Variants in SCML4 observed in about 807,000 individuals in gnomAD.
SCML4 encodes the protein Scm polycomb group protein like 4.
In SCML4, 34 loss-of-function variants were observed where a neutral mutation model predicts 41.1. The ratio of observed to expected loss-of-function variants is 0.83; its 90% CI spans 0.63 to 1.10. The LOEUF is 1.10. Ranked by LOEUF, SCML4 falls within the 50% of genes least tolerant of loss-of-function variation. The pLI is 0.00. For synonymous variants in SCML4, 214 were observed against 220.9 expected (o/e 0.97, Z 0.28); for missense variants, 522 against 534.1 (o/e 0.98, Z 0.22).
At chr6:107,816,921 T>G (rs959548603) in intron 1 of SCML4, among the ~76,000 whole-genome samples, 2 of 152,208 alleles carry the variant, frequency 1.3e-5, no homozygotes, top group African/African-American at 4.8e-5. Context: ...ATCTGCACTC[T>G]CAGGGATGAG....
At chr6:107,828,782 G>A (rs770344378), upstream of SCML4, among the ~76,000 whole-genome samples, 9 of 152,108 alleles carry the variant, frequency 5.9e-5, no homozygotes, top group Non-Finnish European at 1.0e-4. Context: ...CACAAGAGTG[G>A]GTGCCAGATC....
At chr6:107,707,628 G>A in intron 7 of SCML4, among the ~76,000 whole-genome samples, 1 of 152,200 alleles carries the variant, frequency 6.6e-6, no homozygotes, top group East Asian at 1.9e-4. Context: ...GCCAACATGA[G>A]AGAAGAGATA....
At chr6:107,750,000 C>CAG (rs113130210) in intron 2 of SCML4, among the ~76,000 whole-genome samples, 187 bp from the exon 3 acceptor site, 27,560 of 152,118 alleles carry the variant, frequency 0.18, 2,589 homozygotes, top group Middle Eastern at 0.21. Flanking sequence ...GGGTCACACT[C>CAG]AGATCACCTC....
chr6:107,822,392 C>T (rs1000548970), intron 1 of SCML4, among the ~76,000 whole-genome samples: 1 of 152,038 alleles, frequency 6.6e-6, no homozygotes, highest in Non-Finnish European at 1.5e-5. Flanking sequence ...TGATTTCCCT[C>T]GCCTCGAAAA....
rs142876241 is a variant in SCML4 at position 107,763,636 on chromosome 6, C to T, written c.156+8536G>A. Among the ~76,000 whole-genome samples the T allele has an allele frequency of 5.7e-3, 873 of 152,300 alleles. 6 individuals are homozygous for T. Among genetic ancestry groups the T allele is most frequent in the African/African-American group, 0.02 (847 of 41,572 alleles). ...TCCTGACCTCAAGTGATCTGCCTGC[C>T]TCTGCCTCCCAAAATGCCGGGGCTA... is the stretch of plus-strand genomic sequence containing the variant. On this transcript the variant is annotated intron_variant, in intron 2 of 7. Coordinates refer to ENST00000369020, the MANE Select transcript of SCML4 (RefSeq NM_198081.5).
chr6:107,718,605 G>T (rs1474861258), intron 6 of SCML4: 2 of 152,272 alleles, frequency 1.3e-5, no homozygotes, highest in African/African-American at 2.4e-5. Context: ...AAGAGCCCTG[G>T]ATTCCCTGGC....
chr6:107,755,465 C>T, intron 2 of SCML4: 1 of 268,942 alleles, frequency 3.7e-6, no homozygotes, highest in South Asian at 6.6e-5. Context: ...AAAAGGGAGT[C>T]ACCCATGATT....
intron 5 of SCML4, among the ~76,000 whole-genome samples, chr6:107,734,847 C>T (rs1245630020): frequency 6.6e-6 from 1 of 152,026 alleles, no homozygotes; most frequent in Non-Finnish European, 1.5e-5. Context: ...CTGATGGACA[C>T]TTTTTAGTTT....
intron 5 of SCML4, among the ~76,000 whole-genome samples, chr6:107,731,714 G>C (rs1247564280): frequency 6.6e-6 from 1 of 152,246 alleles, no homozygotes; most frequent in Admixed American, 6.5e-5. Context: ...GGTTCGGCTT[G>C]CTGACAGAGA....
the SCML4 span, among the ~76,000 whole-genome samples, chr6:107,841,623 C>T: frequency 6.6e-6 from 1 of 152,206 alleles, no homozygotes; most frequent in Non-Finnish European, 1.5e-5. Flanking sequence ...AATAGATTGA[C>T]TGTATGAACT....
chr6:107,735,467 TTTC>T (rs2114464407), intron 5 of SCML4, among the ~76,000 whole-genome samples: 1 of 152,196 alleles, frequency 6.6e-6, no homozygotes, highest in African/African-American at 2.4e-5. Flanking sequence ...TCTGTTTTTT[TTTC>T]TTCAAGTTTT....
At chr6:107,714,063 CACT>C (rs1774506448) in intron 6 of SCML4, among the ~76,000 whole-genome samples, 2 of 152,178 alleles carry the variant, frequency 1.3e-5, no homozygotes, top group African/African-American at 4.8e-5. Flanking sequence ...AGGCAAGCAT[CACT>C]CACTCTATCC....
chr6:107,776,181 A>G lies in SCML4; in HGVS notation c.-59-3795T>C, dbSNP rs148351135. ...GACCACGTAAAACTCAAACACTTTCATAAAGCAAATGTAAAATCATAAAAA... is the reference window on the plus strand; with the variant it reads ...GACCACGTAAAACTCAAACACTTTCGTAAAGCAAATGTAAAATCATAAAAA... On this transcript the variant is annotated intron_variant, in intron 1 of 7. Coordinates refer to ENST00000369020, the MANE Select transcript of SCML4 (RefSeq NM_198081.5). 1.7e-4 allele frequency among the ~76,000 whole-genome samples: 26 copies of G among 152,308 alleles called. No individual in the cohort carries two copies. In the East Asian group the frequency reaches 5.0e-3, roughly 29 times the overall value.
chr6:107,761,241 C>CTCAACTTACAGAT, intron 2 of SCML4, among the ~76,000 whole-genome samples: 1 of 152,188 alleles, frequency 6.6e-6, no homozygotes, highest in East Asian at 1.9e-4. Context: ...ATTCAGGAAG[C>CTCAACTTACAGAT]TCAGCAAATC....
chr6:107,825,081 A>G (rs1266007549), upstream of SCML4, among the ~76,000 whole-genome samples: 1 of 152,242 alleles, frequency 6.6e-6, no homozygotes, highest in Admixed American at 6.5e-5. Flanking sequence ...GTGACTATTC[A>G]TTCCCATGCC....
chr6:107,797,033 T>C (rs558093559), intron 1 of SCML4, among the ~76,000 whole-genome samples: 8 of 152,264 alleles, frequency 5.3e-5, no homozygotes, highest in African/African-American at 1.9e-4. Context: ...TGTTTTTGTT[T>C]ATACTTATGC....
At chr6:107,788,617 C>A (rs1281805460) in intron 1 of SCML4, among the ~76,000 whole-genome samples, 2 of 152,176 alleles carry the variant, frequency 1.3e-5, no homozygotes, top group African/African-American at 2.4e-5. Context: ...AGTCTTGTCT[C>A]CCATCTAGAT....
intron 1 of SCML4, among the ~76,000 whole-genome samples, chr6:107,819,670 A>C (rs1784806399): frequency 6.4e-5 from 1 of 15,594 alleles, no homozygotes. Flanking sequence ...AACTGCCAAA[A>C]AAAAAAAAAA....
chr6:107,779,260 CAAT>C (rs1781297131), intron 1 of SCML4, among the ~76,000 whole-genome samples: 1 of 152,026 alleles, frequency 6.6e-6, no homozygotes, highest in South Asian at 2.1e-4. Flanking sequence ...AGCAAAGAGG[CAAT>C]AATAACATGC....
Sources: gnomAD v4.1 joint callset for allele counts (sites outside exome capture counted in the v4.1 genomes callset) on GRCh38, gnomAD v4.1.1 for gene constraint, MANE v1.5 for transcripts, NCBI Gene and HGNC (gene_info 2026-07-23, HGNC 2026-07-21) for gene names.